The following MDGA2 variants were observed in gnomAD, a reference collection of about 807,000 sequenced individuals.
MDGA2 encodes the protein MAM domain-containing glycosylphosphatidylinositol anchor protein 2.
In MDGA2, 40 loss-of-function variants were observed where a neutral mutation model predicts 117.8. The observed-to-expected ratio is 0.34, with a 90% CI of 0.26 to 0.44. The LOEUF (loss-of-function observed/expected upper bound fraction) is 0.44. Among genes scored for constraint, MDGA2 ranks in the 20% least tolerant of loss-of-function variants. The probability of loss-of-function intolerance (pLI) is 1.00; values close to 1 mark genes in which losing one functional copy is unlikely to be tolerated. For synonymous variants in MDGA2, 452 were observed against 439.0 expected, an observed-to-expected ratio of 1.03 and a Z score of -0.37; for missense variants, 1,123 against 1,250.6, an observed-to-expected ratio of 0.90 and a Z score of 1.54.
At chr14:47,462,453 G>A (rs566572806) in intron 1 of MDGA2, among the ~76,000 whole-genome samples, 3 of 152,038 alleles carry the variant, frequency 2.0e-5, no homozygotes. Flanking sequence ...GCCCACAAAG[G>A]TTGGTAACTA....
intron 1 of MDGA2, among the ~76,000 whole-genome samples, chr14:47,561,581 C>A (rs746574840): frequency 3.9e-5 from 6 of 152,080 alleles, no homozygotes; most frequent in Non-Finnish European, 8.8e-5. Context: ...TTGATTTTGT[C>A]CTGAAACTTT....
chr14:47,227,527 C>T (rs1886548018), intron 2 of MDGA2, among the ~76,000 whole-genome samples: 1 of 152,088 alleles, frequency 6.6e-6, no homozygotes, highest in African/African-American at 2.4e-5. Context: ...ATCTCAAGCT[C>T]CATTTCTAAA....
At chr14:46,869,103 A>G (rs376797571) in intron 14 of MDGA2, among the ~76,000 whole-genome samples, 1 of 152,002 alleles carries the variant, frequency 6.6e-6, no homozygotes, top group East Asian at 1.9e-4. Context: ...GTTCTTTTAC[A>G]GTCTCCTGCT....
In MDGA2 at chr14:46,912,091, G is replaced by A. The variant is rs140876596; in HGVS notation, c.2238+7921C>T. Among the ~76,000 whole-genome samples, 150 of 152,218 alleles carry A rather than the reference G, an allele frequency of 9.9e-4. 1 individual carries two copies. In the East Asian group the frequency reaches 0.028, roughly 28 times the overall value. ...GAAATCCACAGACGAGGGAGAATATGCAATCTCCATACAGATAGTGGTCCC... is the reference window on the plus strand; with the variant it reads ...GAAATCCACAGACGAGGGAGAATATACAATCTCCATACAGATAGTGGTCCC... On this transcript the variant is annotated intron_variant, in intron 10 of 16. Coordinates refer to ENST00000399232, the MANE Select transcript of MDGA2 (RefSeq NM_001113498.3).
intron 2 of MDGA2, among the ~76,000 whole-genome samples, chr14:47,225,919 CACT>C (rs916983041): frequency 6.6e-6 from 1 of 151,962 alleles, no homozygotes; most frequent in African/African-American, 2.4e-5. Flanking sequence ...TTACCACCAC[CACT>C]ACTACTACTA....
At chr14:46,929,905 G>A (rs12890238) in intron 9 of MDGA2, among the ~76,000 whole-genome samples, 80,476 of 149,586 alleles carry the variant, frequency 0.54, 22,060 homozygotes, top group South Asian at 0.59. Flanking sequence ...TCAAAGTGTG[G>A]GATTACAAGC....
chr14:47,135,493 G>A (rs1882408274), intron 4 of MDGA2, among the ~76,000 whole-genome samples: 1 of 152,006 alleles, frequency 6.6e-6, no homozygotes, highest in Non-Finnish European at 1.5e-5. Context: ...ATACATTATA[G>A]GACATACTTA....
chr14:47,674,430 C>G lies in MDGA2; in HGVS notation c.280+87G>C, dbSNP rs1039512350. The G allele has an allele frequency of 2.5e-6, 3 of 1,205,058 alleles. No homozygotes were observed. The African/African-American group carries it at 4.7e-5, about 19-fold the overall frequency. 74.6% of individuals were successfully genotyped at this position (1,205,058 alleles called of 1,614,324 possible). On this transcript the variant is annotated intron_variant, in intron 1 of 16. Transcript: ENST00000399232. The stretch of plus-strand genomic sequence containing the variant: ...TCAAATGCCACGCCGGGAGGGGCCC[C>G]GGAACGGCGCGAGTCGTGCATTTTC...
chr14:47,463,900 T>C (rs1300814361), intron 1 of MDGA2, among the ~76,000 whole-genome samples: 1 of 152,142 alleles, frequency 6.6e-6, no homozygotes, highest in Non-Finnish European at 1.5e-5. Context: ...TAGTTTGTAA[T>C]GGATACAACT....
intron 8 of MDGA2, among the ~76,000 whole-genome samples, chr14:46,974,547 G>A (rs1886383426): frequency 1.3e-5 from 2 of 152,052 alleles, no homozygotes; most frequent in Non-Finnish European, 2.9e-5. Flanking sequence ...CAATCAAACA[G>A]AATGGAGAAC....
chr14:47,072,340 C>A (rs1356312368), intron 6 of MDGA2, among the ~76,000 whole-genome samples: 2 of 152,000 alleles, frequency 1.3e-5, no homozygotes, highest in East Asian at 3.9e-4. Context: ...TCTGTGAGCA[C>A]CTCAAGAAAA....
chr14:47,033,533 C>T (rs889637419), intron 8 of MDGA2, among the ~76,000 whole-genome samples: 5 of 152,162 alleles, frequency 3.3e-5, no homozygotes, highest in African/African-American at 1.2e-4. Flanking sequence ...CAGTTTCACT[C>T]TCTTTCTTTT....
intron 3 of MDGA2, among the ~76,000 whole-genome samples, chr14:47,145,527 T>C (rs1423735979): frequency 1.3e-5 from 2 of 152,198 alleles, no homozygotes; most frequent in Admixed American, 6.5e-5. Context: ...TAGTTCCATG[T>C]GCTAGTATAA....
At chr14:47,523,059 C>T (rs1454910620) in intron 1 of MDGA2, among the ~76,000 whole-genome samples, 1 of 152,162 alleles carries the variant, frequency 6.6e-6, no homozygotes, top group Non-Finnish European at 1.5e-5. Flanking sequence ...TTTGGCTCAT[C>T]AGTATTGTTG....
intron 1 of MDGA2, among the ~76,000 whole-genome samples, chr14:47,524,175 C>G (rs1161455815): frequency 6.6e-6 from 1 of 152,070 alleles, no homozygotes; most frequent in Admixed American, 6.6e-5. Context: ...GTAAGCCAAC[C>G]CTTCAGCCTA....
At chr14:47,157,239 A>C (rs928745667) in intron 3 of MDGA2, among the ~76,000 whole-genome samples, 12 of 152,214 alleles carry the variant, frequency 7.9e-5, no homozygotes, top group Non-Finnish European at 1.5e-4. Flanking sequence ...GACAAAATGA[A>C]TACTTACAGC....
chr14:47,178,690 C>T (rs1464055038), intron 3 of MDGA2, among the ~76,000 whole-genome samples: 1 of 152,114 alleles, frequency 6.6e-6, no homozygotes, highest in Non-Finnish European at 1.5e-5. Context: ...CCATCATCAT[C>T]TTGTGTCGTG....
chr14:47,301,666 G>T, intron 1 of MDGA2, 116 bp from the exon 2 acceptor site: 3 of 1,109,870 alleles, frequency 2.7e-6, no homozygotes, highest in Non-Finnish European at 3.9e-6. Context: ...AGTCAGATTA[G>T]TCAGATTCAT....
At chr14:46,963,047 G>A (rs1219266600) in intron 8 of MDGA2, among the ~76,000 whole-genome samples, 8 of 152,152 alleles carry the variant, frequency 5.3e-5, no homozygotes, top group Non-Finnish European at 1.0e-4. Context: ...TCTTTGACAA[G>A]TTTAGTACCA....
Sources: gnomAD v4.1 joint callset for allele counts (sites outside exome capture counted in the v4.1 genomes callset) on GRCh38, gnomAD v4.1.1 for gene constraint, MANE v1.5 for transcripts, NCBI Gene and HGNC (gene_info 2026-07-23, HGNC 2026-07-21) for gene names.